MYL6B: variants seen among roughly 807,000 people sequenced by gnomAD.
The protein encoded by MYL6B is myosin alkali light chain 1 slow a.
Under a neutral mutation model 24.5 loss-of-function variants are expected in MYL6B, and 19 were observed. That is an observed-to-expected ratio of 0.78 (90% CI 0.54 to 1.14). The LOEUF is 1.14. Ranked by LOEUF, MYL6B falls within the 50% of genes most tolerant of loss-of-function variation. The pLI is 0.00. For missense variants in MYL6B, 230 were observed against 263.8 expected, an observed-to-expected ratio of 0.87 and a Z score of 0.89; for synonymous variants, 90 against 100.7, an observed-to-expected ratio of 0.89 and a Z score of 0.64.
At chr12:56,157,735 G>A (rs779234336) in exon 7 of MYL6B, 33 of 1,611,456 alleles carry the variant, frequency 2.0e-5, no homozygotes, top group Non-Finnish European at 2.7e-5. Context: ...GAGTGCTGCA[G>A]GTAGGGCCCT....
At chr12:56,155,433 C>T (rs773893876) in exon 5 of MYL6B, 6 of 1,614,028 alleles carry the variant, frequency 3.7e-6, no homozygotes, top group African/African-American at 2.7e-5. Context: ...GAAGTCGCGG[C>T]GTGTGGACTT....
intron 4 of MYL6B, 32 bp from the exon 5 acceptor site, chr12:56,155,387 T>C (rs1169965847): frequency 6.2e-7 from 1 of 1,613,954 alleles, no homozygotes; most frequent in African/African-American, 1.3e-5. Flanking sequence ...AATACTACAA[T>C]GACCTCTCCT....
rs926586329 is a variant in MYL6B at position 56,155,046 on chromosome 12, A to G, written c.203-9A>G. ...TCAGTGTCTACACTGACCCTTCCTT[A>G]TACTTTAGAGTTCAAGGAGGCCTTC... On this transcript the variant is annotated splice_polypyrimidine_tract_variant and intron_variant, in intron 3 of 6. Transcript: ENST00000553066. 10 of 1,606,372 alleles carry G rather than the reference A, an allele frequency of 6.2e-6. No individual in the cohort carries two copies. In the African/African-American group the frequency reaches 1.2e-4, roughly 19 times the overall value.
chr12:56,156,612 G>A (rs1037311911), intron 5 of MYL6B, among the ~76,000 whole-genome samples: 1 of 150,696 alleles, frequency 6.6e-6, no homozygotes, highest in African/African-American at 2.5e-5. Flanking sequence ...TTAAAAAAAA[G>A]CAAAACAGCA....
In MYL6B at chr12:56,155,441, CT is replaced by C; in HGVS notation, c.372del (p.Phe124LeufsTer54). ...CAGAGCTGAAGTCGCGGCGTGTGGA[CT>C]TTGAGACTTTCCTGCCCATGCTCCA... On this transcript the variant is annotated frameshift_variant, in exon 5 of 7. Coordinates refer to ENST00000553066, the Ensembl canonical transcript of MYL6B. LOFTEE classifies it high-confidence loss of function. 1 of 1,614,138 alleles carries C rather than the reference CT, an allele frequency of 6.2e-7. No individual in the cohort carries two copies. The highest frequency in any genetic ancestry group is 8.5e-7 in the Non-Finnish European group (1 of 1,180,030).
rs141538526 is a variant in MYL6B, at chr12:56,155,547, G to C, written c.475G>C (p.Gly159Arg). 5.1e-4 allele frequency: 824 copies of C among 1,613,700 alleles called. No homozygotes were observed. Among genetic ancestry groups the C allele is most frequent in the Non-Finnish European group, 6.8e-4 (808 of 1,179,890 alleles). Residue 159 changes from glycine (G) to arginine (R), a missense_variant, in exon 5 of 7, where the codon GGC becomes CGC. Coordinates refer to ENST00000553066, the Ensembl canonical transcript of MYL6B. ...TCGTGTGTTTGACAAGGAGGGGAAC[G>C]GCAAAGTCATGGGAGCAGAGCTCAG...
intron 3 of MYL6B, 69 bp from the exon 4 acceptor site, chr12:56,154,986 A>C: frequency 6.4e-7 from 1 of 1,560,328 alleles, no homozygotes; most frequent in Non-Finnish European, 8.7e-7. Context: ...TAGTTTCTGA[A>C]ATTCCCTTCT....
chr12:56,155,977 C>T (rs986354365), intron 5 of MYL6B: 2 of 1,179,728 alleles, frequency 1.7e-6, no homozygotes, highest in African/African-American at 1.6e-5. Flanking sequence ...CCCTTGAGGA[C>T]TGAGGCTATG....
At chr12:56,155,801 A>T (rs1871285503) in intron 5 of MYL6B, 1 of 1,485,876 alleles carries the variant, frequency 6.7e-7, no homozygotes, top group East Asian at 2.6e-5. Flanking sequence ...GCAGAGGAAA[A>T]GGGATGAGGC....
intron 5 of MYL6B, chr12:56,155,855 T>G: frequency 1.5e-6 from 2 of 1,364,384 alleles, no homozygotes. Context: ...GTGGGTTGTG[T>G]GTTCTGGTAC....
intron 5 of MYL6B, 55 bp from the exon 6 acceptor site, chr12:56,157,413 C>T (rs1248123925): frequency 1.6e-5 from 25 of 1,524,564 alleles, no homozygotes; most frequent in Non-Finnish European, 2.1e-5. Context: ...AAAAGCGTGG[C>T]CTGGGTGAGT....
chr12:56,153,570 C>G (rs1385755266), intron 1 of MYL6B: 1 of 738,392 alleles, frequency 1.4e-6, no homozygotes, highest in Non-Finnish European at 1.7e-6. Context: ...TGCCTCACCA[C>G]CCCCATCTCA....
chr12:56,153,840 T>A, intron 1 of MYL6B, 33 bp from the exon 2 acceptor site: 15 of 1,373,150 alleles, frequency 1.1e-5, no homozygotes, highest in Middle Eastern at 2.0e-4. Flanking sequence ...CCCCCGCCCC[T>A]TGACATCCCA....
At chr12:56,156,187 TC>T in intron 5 of MYL6B, 1 of 218,836 alleles carries the variant, frequency 4.6e-6, no homozygotes, top group Non-Finnish European at 8.0e-6. Flanking sequence ...GCACCTATAA[TC>T]CCAGCTACCC....
At chr12:56,153,074 G>A (rs968522012) in intron 1 of MYL6B, among the ~76,000 whole-genome samples, 14 of 152,026 alleles carry the variant, frequency 9.2e-5, no homozygotes, top group Admixed American at 8.5e-4. Flanking sequence ...CCCAGAGCCT[G>A]CCCTTCTCCT....
Position 56,157,768 on chromosome 12 carries a change from C to T in MYL6B, c.*42C>T, listed in dbSNP as rs192466507. The T allele has an allele frequency of 7.2e-5, 116 of 1,604,138 alleles. No individual in the cohort carries two copies. In the African/African-American group the frequency reaches 1.2e-3, roughly 17 times the overall value. ...CCTCCCACCCCTTCGCCGCGCCTTA[C>T]GAGGCAAGTCTCCCGCCCTTCTCTC... On this transcript the variant is annotated 3_prime_UTR_variant, in exon 7 of 7. Coordinates refer to ENST00000553066, the Ensembl canonical transcript of MYL6B.
chr12:56,157,194 A>C (rs1871354595), intron 5 of MYL6B: 1 of 407,508 alleles, frequency 2.5e-6, no homozygotes, highest in Non-Finnish European at 4.6e-6. Flanking sequence ...CAAGAGTTTG[A>C]GAGCAGCCTG....
chr12:56,153,482 C>A, intron 1 of MYL6B: 1 of 986,914 alleles, frequency 1.0e-6, no homozygotes, highest in Non-Finnish European at 1.2e-6. Flanking sequence ...TTAACTTGTT[C>A]CAGTTCACAC....
intron 1 of MYL6B, chr12:56,153,444 G>A (rs1348044522): frequency 1.0e-6 from 1 of 985,864 alleles, no homozygotes; most frequent in Non-Finnish European, 1.2e-6. Flanking sequence ...TGGGCTTCTT[G>A]TTTTTGTCAT....
Sources: gnomAD v4.1 joint callset for allele counts (sites outside exome capture counted in the v4.1 genomes callset) on GRCh38, gnomAD v4.1.1 for gene constraint, MANE v1.5 for transcripts, NCBI Gene and HGNC (gene_info 2026-07-23, HGNC 2026-07-21) for gene names.